The following LOC400499 variants were observed in gnomAD, a reference collection of about 807,000 sequenced individuals.
the LOC400499 span, among the ~76,000 whole-genome samples, chr16:11,390,931 G>A: frequency 6.6e-6 from 1 of 152,332 alleles, no homozygotes; most frequent in East Asian, 1.9e-4. Context: ...GAAAGCGCTG[G>A]GACTGGGAGA....
chr16:11,381,700 A>C, the LOC400499 span, among the ~76,000 whole-genome samples: 49,316 of 152,112 alleles, frequency 0.32, 8,856 homozygotes, highest in African/African-American at 0.46. Context: ...CTTAAATAAT[A>C]GTTGAGCTGG....
the LOC400499 span, among the ~76,000 whole-genome samples, chr16:11,507,038 T>C: frequency 6.6e-6 from 1 of 152,198 alleles, no homozygotes; most frequent in African/African-American, 2.4e-5. Context: ...CAGTGCCCTC[T>C]GGGGCTAGCA....
chr16:11,407,836 G>C, the LOC400499 span, among the ~76,000 whole-genome samples: 1 of 152,132 alleles, frequency 6.6e-6, no homozygotes, highest in Non-Finnish European at 1.5e-5. Context: ...TGCGAAAATT[G>C]TATGAAATAA....
At chr16:11,389,627 G>C in the LOC400499 span, among the ~76,000 whole-genome samples, 1 of 139,916 alleles carries the variant, frequency 7.1e-6, no homozygotes, top group African/African-American at 2.6e-5. Flanking sequence ...GAAGGTTTCA[G>C]TGAGCCAAGA....
At chr16:11,420,606 CCCG>C in the LOC400499 span, among the ~76,000 whole-genome samples, 6,679 of 100,396 alleles carry the variant, frequency 0.067, 688 homozygotes, top group African/African-American at 0.25. Flanking sequence ...AACCCCCCCC[CCCG>C]GAAAAAAACC....
At chr16:11,439,957 G>A in the LOC400499 span, among the ~76,000 whole-genome samples, 6 of 152,206 alleles carry the variant, frequency 3.9e-5, no homozygotes, top group South Asian at 2.1e-4. Flanking sequence ...CTGGGTTGCT[G>A]TTACCATCCC....
the LOC400499 span, among the ~76,000 whole-genome samples, chr16:11,448,633 G>A: frequency 6.6e-6 from 1 of 152,202 alleles, no homozygotes; most frequent in Non-Finnish European, 1.5e-5. Context: ...AGGCTGAGCG[G>A]GGAGGATCCT....
the LOC400499 span, among the ~76,000 whole-genome samples, chr16:11,404,006 G>T: frequency 6.6e-6 from 1 of 152,084 alleles, no homozygotes; most frequent in Non-Finnish European, 1.5e-5. Context: ...TGCTAGCCCC[G>T]CAGCTGCTGC....
At chr16:11,375,424 C>T in the LOC400499 span, among the ~76,000 whole-genome samples, 15 of 140,414 alleles carry the variant, frequency 1.1e-4, 4 homozygotes, top group African/African-American at 4.3e-4. Flanking sequence ...AGCAATTCTC[C>T]TGCCTCAGCC....
chr16:11,384,135 G>T, the LOC400499 span: 4 of 1,212,984 alleles, frequency 3.3e-6, no homozygotes, highest in Non-Finnish European at 4.1e-6. Flanking sequence ...CCATCAGGCC[G>T]CCTGCCTCTC....
the LOC400499 span, among the ~76,000 whole-genome samples, chr16:11,445,733 G>A: frequency 1.8e-4 from 28 of 152,340 alleles, no homozygotes; most frequent in East Asian, 2.7e-3. Flanking sequence ...GAGAGCATGC[G>A]GGTGGCAGGG....
the LOC400499 span, among the ~76,000 whole-genome samples, chr16:11,456,628 A>G: frequency 2.0e-5 from 3 of 151,930 alleles, no homozygotes; most frequent in Non-Finnish European, 2.9e-5. Context: ...GGTTCCTACT[A>G]TGGTGCCCAG....
chr16:11,510,699 G>C, the LOC400499 span, among the ~76,000 whole-genome samples: 1 of 151,524 alleles, frequency 6.6e-6, no homozygotes, highest in Non-Finnish European at 1.5e-5. Context: ...GCACACAACA[G>C]GTGCTCAGAC....
the LOC400499 span, chr16:11,485,007 C>G: frequency 2.5e-6 from 1 of 399,072 alleles, no homozygotes; most frequent in Non-Finnish European, 4.4e-6. Flanking sequence ...TCTTCCTGAC[C>G]CCAGAATGAC....
chr16:11,506,131 G>T, the LOC400499 span, among the ~76,000 whole-genome samples: 1 of 152,232 alleles, frequency 6.6e-6, no homozygotes, highest in Admixed American at 6.5e-5. Flanking sequence ...CCGCCTCCTG[G>T]GTTCAAGCGA....
chr16:11,411,272 G>C, the LOC400499 span: 948 of 399,302 alleles, frequency 2.4e-3, 9 homozygotes, highest in Middle Eastern at 2.5e-3. Flanking sequence ...GCTGAGCTGG[G>C]GCAGAGACCC....
chr16:11,387,424 G>C, the LOC400499 span: 1 of 695,058 alleles, frequency 1.4e-6, no homozygotes, highest in Non-Finnish European at 2.0e-6. Context: ...TTCAGGGAGG[G>C]GCTGTCCTTG....
At chr16:11,478,655 G>C in the LOC400499 span, 3 of 399,208 alleles carry the variant, frequency 7.5e-6, no homozygotes, top group Non-Finnish European at 8.8e-6. Flanking sequence ...TCGCATCGCA[G>C]AGCCTGCCGG....
At chr16:11,383,821 A>T in the LOC400499 span, 1 of 1,232,188 alleles carries the variant, frequency 8.1e-7, no homozygotes, top group Non-Finnish European at 1.0e-6. Flanking sequence ...CCACACCCTG[A>T]GGAGGGACCT....
Sources: gnomAD v4.1 joint callset for allele counts (sites outside exome capture counted in the v4.1 genomes callset) on GRCh38, gnomAD v4.1.1 for gene constraint, MANE v1.5 for transcripts.